DYM: variants seen among roughly 807,000 people sequenced by gnomAD.
The protein encoded by DYM is dymeclin, also known as dyggve-Melchior-Clausen syndrome protein.
In DYM, 78 loss-of-function variants were observed where a neutral mutation model predicts 93.1. That is an observed-to-expected ratio of 0.84 (90% confidence interval 0.70 to 1.01). The LOEUF is 1.01. DYM is among the 50% of genes least tolerant of loss of function. The pLI is 0.00. For synonymous variants in DYM, 321 were observed against 319.7 expected, an observed-to-expected ratio of 1.00 and a Z score of -0.04; for missense variants, 789 against 845.0, an observed-to-expected ratio of 0.93 and a Z score of 0.82.
At chr18:49,179,269 TA>T (rs1403000581) in intron 14 of DYM, among the ~76,000 whole-genome samples, 2 of 152,142 alleles carry the variant, frequency 1.3e-5, no homozygotes, top group Admixed American at 6.6e-5. Context: ...AGCTTTGGGT[TA>T]CACAGACTTT....
rs150221217 is a variant in DYM, at chr18:49,331,715, ATATTT to A, written c.763+144_763+148del. On this transcript the variant is annotated intron_variant, in intron 8 of 17. Coordinates refer to ENST00000675505, the MANE Select transcript of DYM (RefSeq NM_001353214.3). ...ATCACCGCACAAAACAGAAAGATTA[ATATTT>A]TAATTACTTTGTTTTCACATTGAAC... 5,789 of 852,350 alleles carry A rather than the reference ATATTT, an allele frequency of 6.8e-3. 188 individuals are homozygous for A. In the African/African-American group the frequency reaches 0.074, roughly 11 times the overall value. The allele number at this position is 852,350 out of a possible 1,614,324, so 52.8% of individuals were successfully genotyped here. A position where few individuals can be genotyped will look rare whatever the true frequency, so the allele number is the denominator to read the frequency against.
Position 49,460,468 on chromosome 18 carries a change from G to C in DYM, c.-124C>G, listed in dbSNP as rs2083410603. 1 of 152,604 alleles carries C rather than the reference G, an allele frequency of 6.6e-6. No individual in the cohort carries two copies. Among genetic ancestry groups the C allele is most frequent in the Admixed American group, 6.5e-5 (1 of 15,290 alleles). 9.5% of individuals were successfully genotyped at this position (152,604 alleles called of 1,614,324 possible). ...GGACGGATGGGAGGGTGGCAGAGGG[G>C]TCAGGAGAAGTCGCTGTCGCCGCCG... is the stretch of plus-strand genomic sequence containing the variant. On this transcript the variant is annotated 5_prime_UTR_variant, in exon 1 of 18. Transcript: ENST00000675505.
intron 8 of DYM, among the ~76,000 whole-genome samples, chr18:49,289,586 T>C (rs1028135509): frequency 1.3e-5 from 2 of 149,186 alleles, no homozygotes; most frequent in African/African-American, 4.9e-5. Context: ...TGGTTCATGC[T>C]TGTAGTCCCA....
chr18:49,080,479 A>C (rs1348255479), intron 17 of DYM, among the ~76,000 whole-genome samples: 8 of 98,180 alleles, frequency 8.1e-5, no homozygotes, highest in Admixed American at 1.1e-4. Context: ...GGCGCCCCTC[A>C]CCTCCCGGAC....
At chr18:49,143,668 A>G (rs1159802641) in intron 15 of DYM, among the ~76,000 whole-genome samples, 1 of 152,186 alleles carries the variant, frequency 6.6e-6, no homozygotes. Context: ...TGAAATAAAC[A>G]TAAAATTTAC....
intron 2 of DYM, among the ~76,000 whole-genome samples, chr18:49,408,766 C>A (rs1457227458): frequency 6.6e-6 from 1 of 152,062 alleles, no homozygotes; most frequent in Admixed American, 6.6e-5. Flanking sequence ...TAGAAGGAAC[C>A]CTATTCAACA....
intron 13 of DYM, among the ~76,000 whole-genome samples, chr18:49,251,186 T>G (rs1388364499): frequency 6.6e-6 from 1 of 152,224 alleles, no homozygotes; most frequent in Non-Finnish European, 1.5e-5. Flanking sequence ...TTAATATTTT[T>G]AAGCAAAAGA....
intron 8 of DYM, among the ~76,000 whole-genome samples, chr18:49,321,903 C>T (rs1026907455): frequency 8.5e-5 from 13 of 152,066 alleles, no homozygotes; most frequent in African/African-American, 3.1e-4. Flanking sequence ...GTTATTTTCA[C>T]AACTATGCCT....
chr18:49,289,669 C>T (rs1331839976), intron 8 of DYM, among the ~76,000 whole-genome samples: 1 of 143,220 alleles, frequency 7.0e-6, no homozygotes, highest in Non-Finnish European at 1.5e-5. Flanking sequence ...TGTGACTGTG[C>T]CACTGCACTC....
At chr18:49,282,907 TAAAAAG>T (rs1462215119) in intron 9 of DYM, among the ~76,000 whole-genome samples, 3 of 152,086 alleles carry the variant, frequency 2.0e-5, no homozygotes, top group African/African-American at 4.8e-5. Flanking sequence ...AAGATAGAAT[TAAAAAG>T]AAAAAAACTG....
chr18:49,272,433 T>C, intron 10 of DYM, 130 bp from the exon 11 acceptor site: 4 of 682,860 alleles, frequency 5.9e-6, no homozygotes, highest in South Asian at 3.9e-5. Flanking sequence ...GAAAAAACCA[T>C]ATAAACCCAC....
intron 2 of DYM, among the ~76,000 whole-genome samples, chr18:49,400,435 C>G (rs1398251748): frequency 6.6e-6 from 1 of 152,108 alleles, no homozygotes; most frequent in Admixed American, 6.6e-5. Flanking sequence ...CTGCCTCGTT[C>G]AACAATCAAC....
intron 17 of DYM, among the ~76,000 whole-genome samples, chr18:49,045,568 A>G (rs1049249921): frequency 6.6e-6 from 1 of 152,200 alleles, no homozygotes; most frequent in African/African-American, 2.4e-5. Flanking sequence ...GCCTAGAGAT[A>G]CGGGGGTGCG....
At chr18:49,406,958 G>A (rs573577123) in intron 2 of DYM, among the ~76,000 whole-genome samples, 8 of 152,292 alleles carry the variant, frequency 5.3e-5, no homozygotes, top group Admixed American at 5.2e-4. Flanking sequence ...CCCTCAGTGA[G>A]TGACTGTCTA....
chr18:49,181,392 C>T (rs1174898460), intron 14 of DYM, among the ~76,000 whole-genome samples: 3 of 152,068 alleles, frequency 2.0e-5, no homozygotes, highest in South Asian at 2.1e-4. Flanking sequence ...TTCTGTTTTA[C>T]GAGACACAAA....
rs144447152 is a variant in DYM, at chr18:49,367,671, A to G, written c.422-4438T>C. 3.5e-3 allele frequency among the ~76,000 whole-genome samples: 536 copies of G among 152,338 alleles called. 2 individuals are homozygous for G. Among genetic ancestry groups the G allele is most frequent in the Non-Finnish European group, 5.7e-3 (389 of 68,020 alleles). ...AAATCAGAATACATACAGTCATTAAAAGAAATGTTAAAAGACAGAGTTTTT... is the reference window on the plus strand; with the variant it reads ...AAATCAGAATACATACAGTCATTAAGAGAAATGTTAAAAGACAGAGTTTTT... On this transcript the variant is annotated intron_variant, in intron 5 of 17. Coordinates refer to ENST00000675505, the MANE Select transcript of DYM (RefSeq NM_001353214.3).
chr18:49,409,608 T>G (rs986139520), intron 2 of DYM, among the ~76,000 whole-genome samples: 1 of 152,210 alleles, frequency 6.6e-6, no homozygotes, highest in Non-Finnish European at 1.5e-5. Flanking sequence ...TCAATTAGTT[T>G]TCCCATCCTG....
At chr18:49,363,986 A>G (rs1432955045) in intron 5 of DYM, among the ~76,000 whole-genome samples, 1 of 152,160 alleles carries the variant, frequency 6.6e-6, no homozygotes, top group African/African-American at 2.4e-5. Flanking sequence ...CTCAGTTCTT[A>G]TAATACTTTA....
intron 14 of DYM, among the ~76,000 whole-genome samples, chr18:49,194,255 C>T (rs1323732119): frequency 1.3e-5 from 2 of 152,216 alleles, no homozygotes; most frequent in African/African-American, 2.4e-5. Context: ...CCAAATCCTC[C>T]ATACACATAG....
Sources: gnomAD v4.1 joint callset for allele counts (sites outside exome capture counted in the v4.1 genomes callset) on GRCh38, gnomAD v4.1.1 for gene constraint, MANE v1.5 for transcripts, NCBI Gene and HGNC (gene_info 2026-07-23, HGNC 2026-07-21) for gene names.